Variants in XYLT1 observed in about 807,000 individuals in gnomAD.
The protein encoded by XYLT1 is beta-D-xylosyltransferase 1.
XYLT1 carries 36 observed loss-of-function variants against 91.3 expected under a neutral mutation model. The ratio of observed to expected loss-of-function variants is 0.39; its 90% CI spans 0.30 to 0.52. The LOEUF (loss-of-function observed/expected upper bound fraction) is 0.52. XYLT1 is among the 20% of genes least tolerant of loss of function. The probability of loss-of-function intolerance (pLI) is 0.68; values close to 1 mark genes in which losing one functional copy is unlikely to be tolerated. For synonymous variants in XYLT1, 588 were observed against 532.0 expected, an observed-to-expected ratio of 1.11 and a Z score of -1.45; for missense variants, 1,242 against 1,284.5, an observed-to-expected ratio of 0.97 and a Z score of 0.51.
At chr16:17,387,822 C>G (rs2035765655) in intron 1 of XYLT1, among the ~76,000 whole-genome samples, 2 of 152,226 alleles carry the variant, frequency 1.3e-5, no homozygotes, top group Non-Finnish European at 2.9e-5. Flanking sequence ...ATGCCTATTT[C>G]TGCTGTAGAC....
At chr16:17,427,444 C>T (rs931781028) in intron 1 of XYLT1, among the ~76,000 whole-genome samples, 19 of 152,326 alleles carry the variant, frequency 1.2e-4, no homozygotes, top group South Asian at 1.2e-3. Flanking sequence ...AAGTGTGCAC[C>T]GCCGCACCTG....
At chr16:17,332,325 G>C (rs950711614) in intron 2 of XYLT1, among the ~76,000 whole-genome samples, 15 of 152,198 alleles carry the variant, frequency 9.9e-5, no homozygotes, top group South Asian at 2.1e-4. Context: ...ACTTTGGAAG[G>C]CTGAAGCGGG....
intron 3 of XYLT1, among the ~76,000 whole-genome samples, chr16:17,217,560 T>C (rs1229813674): frequency 6.6e-6 from 1 of 152,196 alleles, no homozygotes; most frequent in Non-Finnish European, 1.5e-5. Flanking sequence ...CATTCTCTCT[T>C]TCCTTCCTCC....
intron 1 of XYLT1, among the ~76,000 whole-genome samples, chr16:17,417,966 C>T (rs1332144748): frequency 6.6e-6 from 1 of 152,208 alleles, no homozygotes; most frequent in East Asian, 1.9e-4. Context: ...CCCCCAACAA[C>T]CCTCACCAAC....
At chr16:17,348,075 C>T (rs1405607102) in intron 2 of XYLT1, among the ~76,000 whole-genome samples, 1 of 152,108 alleles carries the variant, frequency 6.6e-6, no homozygotes, top group Non-Finnish European at 1.5e-5. Flanking sequence ...AAGAAAAGTC[C>T]TTGCTGATGA....
rs75913524 is a variant in XYLT1 at position 17,238,435 on chromosome 16, T to C, written c.913+20553A>G. On this transcript the variant is annotated intron_variant, in intron 3 of 11. Coordinates refer to ENST00000261381, the MANE Select transcript of XYLT1 (RefSeq NM_022166.4). ...GGCTTTTGGAGCTGCACAGTTTCTG[T>C]TGCAACCACTCAGCTCTGCCCTTGA... Among the ~76,000 whole-genome samples the C allele has an allele frequency of 3.8e-3, 576 of 152,348 alleles. 3 individuals are homozygous for C. Among genetic ancestry groups the C allele is most frequent in the African/African-American group, 0.013 (540 of 41,580 alleles).
intron 1 of XYLT1, among the ~76,000 whole-genome samples, chr16:17,411,925 C>G (rs1168230311): frequency 1.3e-5 from 2 of 152,108 alleles, no homozygotes; most frequent in Non-Finnish European, 2.9e-5. Context: ...TCCGGCTGCC[C>G]ATCACTAGGT....
chr16:17,306,901 G>A (rs2034478917), intron 2 of XYLT1, among the ~76,000 whole-genome samples: 1 of 152,158 alleles, frequency 6.6e-6, no homozygotes, highest in South Asian at 2.1e-4. Context: ...GGCCCAGAGA[G>A]GCAGGGTGAC....
chr16:17,122,796 T>TA (rs1453180175), intron 10 of XYLT1, among the ~76,000 whole-genome samples: 2 of 152,266 alleles, frequency 1.3e-5, no homozygotes, highest in African/African-American at 4.8e-5. Flanking sequence ...TCCATTCTTC[T>TA]ACACGTGGCT....
At chr16:17,397,646 C>T (rs1026381690) in intron 1 of XYLT1, among the ~76,000 whole-genome samples, 13 of 151,584 alleles carry the variant, frequency 8.6e-5, no homozygotes, top group African/African-American at 2.9e-4. Context: ...ACAAGGCAAG[C>T]TGAGAAAACT....
intron 3 of XYLT1, among the ~76,000 whole-genome samples, chr16:17,226,085 A>G (rs1423328846): frequency 6.6e-6 from 1 of 152,190 alleles, no homozygotes; most frequent in African/African-American, 2.4e-5. Flanking sequence ...GCTTACACTG[A>G]GAACTATTAT....
intron 2 of XYLT1, among the ~76,000 whole-genome samples, chr16:17,282,892 T>C (rs2034078183): frequency 6.6e-6 from 1 of 152,142 alleles, no homozygotes; most frequent in African/African-American, 2.4e-5. Flanking sequence ...CTTGCAAGGA[T>C]CCTTAGATAT....
Position 17,253,134 on chromosome 16 carries a change from G to A in XYLT1, c.913+5854C>T, listed in dbSNP as rs182266787. Among the ~76,000 whole-genome samples, 13 of 152,320 alleles carry A rather than the reference G, an allele frequency of 8.5e-5. No homozygotes were observed. The South Asian group carries it at 2.3e-3, about 27-fold the overall frequency. ...GGGTGTAATTACATCTTAGCTTTCT[G>A]CAGAAGAATAGTTTATGGCTTAAAT... On this transcript the variant is annotated intron_variant, in intron 3 of 11. Coordinates refer to ENST00000261381, the MANE Select transcript of XYLT1 (RefSeq NM_022166.4).
rs541144898 is a variant in XYLT1, at chr16:17,447,867, T to C, written c.363+22567A>G. 1.8e-4 allele frequency among the ~76,000 whole-genome samples: 27 copies of C among 152,284 alleles called. No homozygotes were observed. In the South Asian group the frequency reaches 5.0e-3, roughly 28 times the overall value. On this transcript the variant is annotated intron_variant, in intron 1 of 11. Coordinates refer to ENST00000261381, the MANE Select transcript of XYLT1 (RefSeq NM_022166.4). ...AGTAAGAGTTTTAAAAAATGAGGCA[T>C]TTAAAAAACACCCAGTACCTTGCTT...
intron 3 of XYLT1, among the ~76,000 whole-genome samples, chr16:17,219,620 G>T (rs1308595422): frequency 2.0e-5 from 3 of 152,144 alleles, no homozygotes; most frequent in African/African-American, 7.2e-5. Flanking sequence ...TAAGCCAGGG[G>T]GCTCCTGAGA....
chr16:17,291,574 C>T (rs913796708), intron 2 of XYLT1, among the ~76,000 whole-genome samples: 3 of 152,040 alleles, frequency 2.0e-5, no homozygotes, highest in Non-Finnish European at 2.9e-5. Context: ...TGTTCTAAGG[C>T]CAGAAATCCT....
intron 1 of XYLT1, among the ~76,000 whole-genome samples, chr16:17,397,014 C>G (rs1454185870): frequency 6.6e-6 from 1 of 152,188 alleles, no homozygotes; most frequent in Non-Finnish European, 1.5e-5. Context: ...TGGCTGCTTT[C>G]CGGCTGCAGA....
intron 2 of XYLT1, among the ~76,000 whole-genome samples, chr16:17,344,406 T>C (rs1408313121): frequency 1.4e-5 from 2 of 145,720 alleles, no homozygotes; most frequent in African/African-American, 2.5e-5. Flanking sequence ...GGCAGGAGAA[T>C]GGCACGAACC....
intron 3 of XYLT1, among the ~76,000 whole-genome samples, chr16:17,244,467 T>C (rs1221846424): frequency 5.3e-5 from 8 of 152,286 alleles, no homozygotes; most frequent in East Asian, 3.9e-4. Flanking sequence ...TGGTGACCAA[T>C]ACAGGATATA....
Sources: allele counts gnomAD v4.1 joint callset (sites outside exome capture counted in the v4.1 genomes callset), GRCh38; gene constraint gnomAD v4.1.1; transcripts MANE v1.5; gene names NCBI Gene and HGNC (gene_info 2026-07-23, HGNC 2026-07-21).